RAPGEF4: variants seen among roughly 807,000 people sequenced by gnomAD.
RAPGEF4 encodes RAP guanine-nucleotide-exchange factor (GEF) 4.
RAPGEF4 carries 66 observed loss-of-function variants against 147.9 expected under a neutral mutation model. The observed-to-expected ratio is 0.45, with a 90% CI of 0.37 to 0.55. RAPGEF4 has a LOEUF of 0.55. Among genes scored for constraint, RAPGEF4 ranks in the 20% least tolerant of loss-of-function variants. The pLI, the probability that RAPGEF4 is intolerant of heterozygous loss-of-function variation, is 0.00. For missense variants in RAPGEF4, 1,071 were observed against 1,257.3 expected, an observed-to-expected ratio of 0.85 and a Z score of 2.24; for synonymous variants, 419 against 442.7, an observed-to-expected ratio of 0.95 and a Z score of 0.67.
intron 6 of RAPGEF4, among the ~76,000 whole-genome samples, chr2:172,935,441 C>T (rs1686459449): frequency 2.0e-5 from 3 of 152,194 alleles, no homozygotes; most frequent in South Asian, 4.2e-4. Flanking sequence ...GAGGTCTGTG[C>T]CCAGAAGGAG....
In RAPGEF4 at chr2:172,906,537, G is replaced by A. The variant is rs1270592176; in HGVS notation, c.445-11265G>A. Among the ~76,000 whole-genome samples, 3 of 152,348 alleles carry A rather than the reference G, an allele frequency of 2.0e-5. No individual in the cohort carries two copies. The Middle Eastern group carries it at 0.01, about 518-fold the overall frequency. ...GCTTCTGATGCTTTCGCTACAGCCT[G>A]ATGATAGCCCAGGAGGAGGGGGAAA... On this transcript the variant is annotated intron_variant, in intron 4 of 30. Transcript: ENST00000397081.
chr2:172,804,208 A>G (rs1479169713), intron 3 of RAPGEF4, among the ~76,000 whole-genome samples: 2 of 152,278 alleles, frequency 1.3e-5, no homozygotes, highest in East Asian at 3.9e-4. Context: ...GGGTGTAACT[A>G]TTCTATTTGA....
chr2:172,997,483 T>A (rs900737400), intron 16 of RAPGEF4, among the ~76,000 whole-genome samples: 2 of 152,210 alleles, frequency 1.3e-5, no homozygotes, highest in African/African-American at 4.8e-5. Flanking sequence ...ATTCAACACA[T>A]AACATCTGCT....
At chr2:172,859,970 T>C (rs1050483343) in intron 4 of RAPGEF4, 32 of 938,702 alleles carry the variant, frequency 3.4e-5, no homozygotes, top group Admixed American at 1.2e-4. Context: ...AGTGACTGCC[T>C]GGCAATTGTT....
At chr2:172,901,024 G>A (rs1459583605) in intron 4 of RAPGEF4, among the ~76,000 whole-genome samples, 1 of 151,988 alleles carries the variant, frequency 6.6e-6, no homozygotes, top group Non-Finnish European at 1.5e-5. Context: ...AATTGAAAGT[G>A]GAGTTACAAC....
At chr2:172,942,197 C>A (rs2105334378) in intron 6 of RAPGEF4, among the ~76,000 whole-genome samples, 1 of 145,956 alleles carries the variant, frequency 6.9e-6, no homozygotes, top group Non-Finnish European at 1.5e-5. Context: ...AAAGTAATTG[C>A]AGTTTTTGCC....
At chr2:172,971,504 A>G (rs1044942091) in intron 10 of RAPGEF4, among the ~76,000 whole-genome samples, 1 of 152,248 alleles carries the variant, frequency 6.6e-6, no homozygotes, top group African/African-American at 2.4e-5. Context: ...GAATCTTCCA[A>G]CTGGGTCAGA....
chr2:172,776,581 G>A (rs1684184742), intron 1 of RAPGEF4, among the ~76,000 whole-genome samples: 1 of 151,864 alleles, frequency 6.6e-6, no homozygotes, highest in Non-Finnish European at 1.5e-5. Flanking sequence ...TCTCAGTATT[G>A]TCTCCGAGGC....
intron 3 of RAPGEF4, among the ~76,000 whole-genome samples, chr2:172,800,772 G>C (rs536955469): frequency 6.9e-4 from 105 of 152,156 alleles, no homozygotes; most frequent in Non-Finnish European, 1.3e-3. Context: ...CATCATGGAG[G>C]GTAATCAACT....
Position 173,051,675 on chromosome 2 carries a change from G to A in RAPGEF4, c.2944G>A (p.Asp982Asn). 6.2e-7 allele frequency: 1 copy of A among 1,613,944 alleles called. No homozygotes were observed. Among genetic ancestry groups the A allele is most frequent in the African/African-American group, 1.3e-5 (1 of 75,028 alleles). ...DAAQANKNHQ[D>N]VRSYVRQLNV... ...AGCTCAAGCTAATAAGAACCATCAGGATGTCCGGAGTTATGTACGGCAATT... is the reference window on the plus strand; with the variant it reads ...AGCTCAAGCTAATAAGAACCATCAGAATGTCCGGAGTTATGTACGGCAATT... The change falls in exon 31 of 31, where the codon GAT becomes AAT. Residue 982 changes from aspartate (D) to asparagine (N), a missense_variant. Asp to Asn is a conservative substitution (Grantham distance 23). Coordinates refer to ENST00000397081, the MANE Select transcript of RAPGEF4 (RefSeq NM_007023.4).
At chr2:173,016,086 G>T (rs749745084) in intron 18 of RAPGEF4, among the ~76,000 whole-genome samples, 4 of 152,066 alleles carry the variant, frequency 2.6e-5, no homozygotes, top group Non-Finnish European at 5.9e-5. Context: ...CCATTTTTAG[G>T]TGTATAGTTC....
chr2:172,949,411 A>G (rs1687997040), intron 6 of RAPGEF4, among the ~76,000 whole-genome samples: 1 of 152,208 alleles, frequency 6.6e-6, no homozygotes. Context: ...GGGTGCACTC[A>G]GGATATGACT....
chr2:172,954,977 C>T (rs1451663813), intron 6 of RAPGEF4, among the ~76,000 whole-genome samples: 1 of 152,220 alleles, frequency 6.6e-6, no homozygotes, highest in African/African-American at 2.4e-5. Context: ...CACTGCTCTG[C>T]ACACAACAGA....
At chr2:172,947,792 C>A (rs1687823469) in intron 6 of RAPGEF4, among the ~76,000 whole-genome samples, 1 of 151,912 alleles carries the variant, frequency 6.6e-6, no homozygotes, top group African/African-American at 2.4e-5. Context: ...CAAGCTTTTT[C>A]TTCTGAGTTT....
At chr2:172,866,818 C>T (rs1416375425) in intron 4 of RAPGEF4, among the ~76,000 whole-genome samples, 1 of 152,050 alleles carries the variant, frequency 6.6e-6, no homozygotes, top group Non-Finnish European at 1.5e-5. Context: ...TCCTTTGGGG[C>T]TGAAATACAG....
At chr2:172,782,233 G>T (rs1559627) in intron 1 of RAPGEF4, among the ~76,000 whole-genome samples, 148,602 of 152,352 alleles carry the variant, frequency 0.98, 72,583 homozygotes, top group East Asian at 1. Flanking sequence ...GAAAGTCTTT[G>T]TCAAACCTTC....
At chr2:172,828,492 C>T (rs1689934288) in intron 4 of RAPGEF4, among the ~76,000 whole-genome samples, 1 of 152,170 alleles carries the variant, frequency 6.6e-6, no homozygotes, top group South Asian at 2.1e-4. Flanking sequence ...AGGGTTTTGA[C>T]ATCCTTCAGC....
intron 4 of RAPGEF4, among the ~76,000 whole-genome samples, chr2:172,877,492 C>T (rs559669936): frequency 1.1e-4 from 16 of 150,016 alleles, no homozygotes; most frequent in Admixed American, 4.0e-4. Context: ...TGTAACAAAC[C>T]GTAAATTTTG....
At chr2:173,008,427 C>T (rs925585981) in intron 17 of RAPGEF4, among the ~76,000 whole-genome samples, 3 of 152,014 alleles carry the variant, frequency 2.0e-5, no homozygotes, top group African/African-American at 4.8e-5. Context: ...TATTATTATA[C>T]CATCAGGAGA....
Sources: allele counts gnomAD v4.1 joint callset (sites outside exome capture counted in the v4.1 genomes callset), GRCh38; gene constraint gnomAD v4.1.1; transcripts MANE v1.5; gene names NCBI Gene and HGNC (gene_info 2026-07-23, HGNC 2026-07-21).